CDK14: variants seen among roughly 807,000 people sequenced by gnomAD.
CDK14 encodes cyclin dependent kinase 14, also known as cyclin-dependent kinase 14.
In CDK14, 34 loss-of-function variants were observed where a neutral mutation model predicts 60.7. The ratio of observed to expected loss-of-function variants is 0.56; its 90% CI spans 0.43 to 0.75. The LOEUF is 0.75. CDK14 is among the 30% of genes least tolerant of loss of function. The pLI, the probability that CDK14 is intolerant of heterozygous loss-of-function variation, is 0.00. For missense variants in CDK14, 482 were observed against 564.1 expected, an observed-to-expected ratio of 0.85 and a Z score of 1.47; for synonymous variants, 197 against 203.7, an observed-to-expected ratio of 0.97 and a Z score of 0.28.
chr7:90,634,503 G>T (rs1461705435), intron 2 of CDK14, among the ~76,000 whole-genome samples: 1 of 151,650 alleles, frequency 6.6e-6, no homozygotes, highest in Non-Finnish European at 1.5e-5. Context: ...TGGTGTATAT[G>T]TGCCACATTT....
At chr7:90,741,429 AAATT>A (rs1222187157) in intron 3 of CDK14, among the ~76,000 whole-genome samples, 23 of 152,302 alleles carry the variant, frequency 1.5e-4, no homozygotes, top group African/African-American at 4.6e-4. Context: ...TTCCACACAT[AAATT>A]AAGTTCTTTT....
chr7:91,130,193 G>A (rs1334262714), intron 14 of CDK14, among the ~76,000 whole-genome samples: 1 of 152,066 alleles, frequency 6.6e-6, no homozygotes, highest in Non-Finnish European at 1.5e-5. Context: ...ATTGAATGTA[G>A]AAACATATTT....
At chr7:90,597,687 A>G (rs1452106709) in intron 1 of CDK14, among the ~76,000 whole-genome samples, 1 of 152,204 alleles carries the variant, frequency 6.6e-6, no homozygotes, top group South Asian at 2.1e-4. Flanking sequence ...GAAAGTGTTA[A>G]TGGAAATTAA....
At chr7:90,696,342 T>C (rs143655785) in intron 2 of CDK14, among the ~76,000 whole-genome samples, 54 of 51,202 alleles carry the variant, frequency 1.1e-3, no homozygotes, top group African/African-American at 2.6e-3. Flanking sequence ...TCTTCTTTTT[T>C]TTTTTTTTTT....
At chr7:91,027,209 CAT>C (rs1230296856) in intron 10 of CDK14, among the ~76,000 whole-genome samples, 5 of 152,178 alleles carry the variant, frequency 3.3e-5, no homozygotes, top group African/African-American at 4.8e-5. Flanking sequence ...TAAAGTATAA[CAT>C]GTAGTTAACC....
intron 2 of CDK14, among the ~76,000 whole-genome samples, chr7:90,621,647 T>G (rs143437879): frequency 6.1e-3 from 444 of 72,810 alleles, no homozygotes; most frequent in Middle Eastern, 0.012. Flanking sequence ...CTTCCTTCCT[T>G]CCTTCCTTCC....
intron 8 of CDK14, among the ~76,000 whole-genome samples, chr7:90,921,420 A>T (rs1793248094): frequency 6.6e-6 from 1 of 152,044 alleles, no homozygotes; most frequent in Non-Finnish European, 1.5e-5. Flanking sequence ...TTTCTTCAAT[A>T]ACACTTCCAG....
At chr7:90,875,355 C>A (rs1791521453) in intron 6 of CDK14, among the ~76,000 whole-genome samples, 2 of 152,168 alleles carry the variant, frequency 1.3e-5, no homozygotes, top group Non-Finnish European at 2.9e-5. Flanking sequence ...TCTTTCAATT[C>A]TTTTGTGCAT....
At chr7:90,659,344 G>A (rs1004230615) in intron 2 of CDK14, among the ~76,000 whole-genome samples, 1 of 152,096 alleles carries the variant, frequency 6.6e-6, no homozygotes, top group Non-Finnish European at 1.5e-5. Flanking sequence ...TAGCATTTTC[G>A]CAGGCCTCAT....
chr7:90,854,380 A>G (rs1475630876), intron 5 of CDK14, among the ~76,000 whole-genome samples: 1 of 152,062 alleles, frequency 6.6e-6, no homozygotes, highest in African/African-American at 2.4e-5. Flanking sequence ...AACAACAACA[A>G]CAACAACAAA....
At position 90,954,685 on chromosome 7, in the gene CDK14, C is replaced by T. The variant is rs1227267203; in HGVS notation, c.827-1012C>T. On this transcript the variant is annotated intron_variant, in intron 8 of 14. Coordinates refer to ENST00000380050, the MANE Select transcript of CDK14 (RefSeq NM_001287135.2). The stretch of plus-strand genomic sequence containing the variant: ...TATCACCCAGGCTGGAGTGCAGTGG[C>T]GGGATCTCGGCTCACTGCAAGCTCC... Among the ~76,000 whole-genome samples, 2 of 2,112 alleles carry T rather than the reference C, an allele frequency of 9.5e-4. 1 individual carries two copies. Among genetic ancestry groups the T allele is most frequent in the Non-Finnish European group, 8.9e-3 (2 of 224 alleles). The allele number at this position is 2,112 out of a possible 152,430, so 1.4% of individuals were successfully genotyped here.
intron 14 of CDK14, among the ~76,000 whole-genome samples, chr7:91,132,403 A>C (rs1277753883): frequency 6.6e-6 from 1 of 152,102 alleles, no homozygotes; most frequent in Non-Finnish European, 1.5e-5. Flanking sequence ...GAGTGAGAAG[A>C]CACGCGCAGA....
chr7:90,818,862 C>T (rs1262287133), intron 5 of CDK14, among the ~76,000 whole-genome samples: 1 of 138,358 alleles, frequency 7.2e-6, no homozygotes, highest in Admixed American at 7.7e-5. Context: ...TATTTTCTCT[C>T]TCTCTATGTG....
At chr7:90,725,084 A>T (rs1302850278) in intron 2 of CDK14, among the ~76,000 whole-genome samples, 1 of 152,196 alleles carries the variant, frequency 6.6e-6, no homozygotes, top group Non-Finnish European at 1.5e-5. Context: ...AGACATACTC[A>T]TAGGGTTGAT....
intron 6 of CDK14, among the ~76,000 whole-genome samples, chr7:90,870,751 G>A (rs1791345493): frequency 6.6e-6 from 1 of 152,148 alleles, no homozygotes. Context: ...ATGGGCAAAA[G>A]TAATGCTGGT....
At chr7:90,808,957 C>T (rs530079356) in intron 5 of CDK14, among the ~76,000 whole-genome samples, 3 of 152,116 alleles carry the variant, frequency 2.0e-5, no homozygotes, top group African/African-American at 7.2e-5. Flanking sequence ...ACAGAAGCAC[C>T]CAGATTCATA....
At chr7:90,681,772 T>C (rs1801324005) in intron 2 of CDK14, among the ~76,000 whole-genome samples, 1 of 152,208 alleles carries the variant, frequency 6.6e-6, no homozygotes, top group Admixed American at 6.5e-5. Flanking sequence ...CTAGTGTCTT[T>C]AAATCCTCCC....
At chr7:90,781,801 G>A (rs1323995432) in intron 4 of CDK14, among the ~76,000 whole-genome samples, 1 of 152,066 alleles carries the variant, frequency 6.6e-6, no homozygotes, top group Non-Finnish European at 1.5e-5. Context: ...CCAGTACCAT[G>A]CTGTTTTGGT....
intron 2 of CDK14, among the ~76,000 whole-genome samples, chr7:90,668,813 A>G (rs1453590098): frequency 6.7e-6 from 1 of 149,076 alleles, no homozygotes; most frequent in African/African-American, 2.5e-5. Context: ...GGCCCAAGCA[A>G]TCTTCATGCC....
Sources: gnomAD v4.1 joint callset for allele counts (sites outside exome capture counted in the v4.1 genomes callset) on GRCh38, gnomAD v4.1.1 for gene constraint, MANE v1.5 for transcripts, NCBI Gene and HGNC (gene_info 2026-07-23, HGNC 2026-07-21) for gene names.